The following MREG variants were observed in gnomAD, a reference collection of about 807,000 sequenced individuals.
MREG encodes dilute suppressor protein homolog.
Under a neutral mutation model 28.5 loss-of-function variants are expected in MREG, and 31 were observed. The observed-to-expected ratio is 1.09, with a 90% CI of 0.82 to 1.47. MREG has a LOEUF of 1.47. MREG is among the 40% of genes most tolerant of loss of function. The pLI, the probability that MREG is intolerant of heterozygous loss-of-function variation, is 0.00. For synonymous variants in MREG, 106 were observed against 95.2 expected, an observed-to-expected ratio of 1.11 and a Z score of -0.66; for missense variants, 256 against 257.4, an observed-to-expected ratio of 0.99 and a Z score of 0.04.
intron 2 of MREG, among the ~76,000 whole-genome samples, chr2:215,949,418 G>A (rs1483716428): frequency 6.6e-6 from 1 of 151,708 alleles, no homozygotes; most frequent in Non-Finnish European, 1.5e-5. Context: ...AAAATTTGCC[G>A]GGTGTGGTGG....
upstream of MREG, among the ~76,000 whole-genome samples, chr2:216,015,945 T>C (rs1381521951): frequency 1.3e-5 from 2 of 152,156 alleles, no homozygotes; most frequent in Admixed American, 6.5e-5. Context: ...TCAATCCTCA[T>C]GGGCGGTGTA....
chr2:215,986,418 T>C (rs988909651), intron 2 of MREG, among the ~76,000 whole-genome samples: 2 of 152,142 alleles, frequency 1.3e-5, no homozygotes, highest in East Asian at 3.9e-4. Flanking sequence ...TGCCATTCAA[T>C]ATGTGGGGTG....
intron 2 of MREG, among the ~76,000 whole-genome samples, chr2:215,963,127 CAAAAGA>C (rs1160338090): frequency 1.3e-5 from 2 of 151,664 alleles, no homozygotes; most frequent in African/African-American, 2.4e-5. Flanking sequence ...GACCCTGTCT[CAAAAGA>C]AAAAGAAAAA....
At chr2:216,031,638 AG>A (rs1694702563) in intron 1 of MREG, among the ~76,000 whole-genome samples, 1 of 144,970 alleles carries the variant, frequency 6.9e-6, no homozygotes, top group African/African-American at 2.6e-5. Flanking sequence ...CAAGGAAGGA[AG>A]GAAGAAGAAA....
intron 1 of MREG, among the ~76,000 whole-genome samples, chr2:215,999,720 G>A (rs1693964397): frequency 6.6e-6 from 1 of 152,204 alleles, no homozygotes; most frequent in East Asian, 1.9e-4. Flanking sequence ...CAGAGAGCGG[G>A]TGACAGCAGC....
At chr2:216,002,262 C>A (rs2106023588) in intron 1 of MREG, among the ~76,000 whole-genome samples, 1 of 152,328 alleles carries the variant, frequency 6.6e-6, no homozygotes, top group Non-Finnish European at 1.5e-5. Flanking sequence ...TTTCTTTCAA[C>A]ATGATATAAA....
At chr2:215,964,115 G>A (rs1386674943) in intron 2 of MREG, among the ~76,000 whole-genome samples, 1 of 152,048 alleles carries the variant, frequency 6.6e-6, no homozygotes, top group Non-Finnish European at 1.5e-5. Context: ...ACAGTTAGGG[G>A]AAAAAACCAC....
intron 2 of MREG, among the ~76,000 whole-genome samples, chr2:215,956,441 G>A (rs555557985): frequency 6.6e-5 from 10 of 152,018 alleles, no homozygotes; most frequent in Non-Finnish European, 1.5e-4. Context: ...TTTGGGTTTT[G>A]TCAGGTAGGT....
chr2:215,985,659 G>T (rs1693549902), intron 2 of MREG, among the ~76,000 whole-genome samples: 2 of 151,758 alleles, frequency 1.3e-5, no homozygotes, highest in African/African-American at 4.8e-5. Context: ...ATTATTTGTG[G>T]TCCTTCCTCT....
rs367900618 is a variant in MREG at position 215,955,262 on chromosome 2, T to C, written c.256-8149A>G. On this transcript the variant is annotated intron_variant, in intron 2 of 4. Transcript: ENST00000263268. ...ATAGACAGAAATGGAATAATAAACA[T>C]ATTTGTTTTGTAGAAAATGCCCCCC... Among the ~76,000 whole-genome samples the C allele has an allele frequency of 1.0e-3, 152 of 152,334 alleles. 6 individuals are homozygous for C. The highest frequency in any genetic ancestry group is 3.6e-3 in the African/African-American group (150 of 41,578).
Position 215,943,300 on chromosome 2 carries a change from C to T in MREG, c.*1563G>A. On this transcript the variant is annotated 3_prime_UTR_variant, in exon 5 of 5. Coordinates refer to ENST00000263268, the MANE Select transcript of MREG (RefSeq NM_018000.3). ...CTTAAGTGGCAAGTAACTTTTGAAG[C>T]TGGACTTCTCAATCTGTAGAGAGAA... 2.5e-6 allele frequency: 1 copy of T among 406,992 alleles called. No individual in the cohort carries two copies. Among genetic ancestry groups the T allele is most frequent in the South Asian group, 1.8e-5 (1 of 55,372 alleles). 25.2% of individuals were successfully genotyped at this position (406,992 alleles called of 1,614,324 possible). A position where few individuals can be genotyped will look rare whatever the true frequency, so the allele number is the denominator to read the frequency against.
chr2:215,951,309 T>G (rs1466434575), intron 2 of MREG, among the ~76,000 whole-genome samples: 2 of 152,230 alleles, frequency 1.3e-5, no homozygotes, highest in African/African-American at 4.8e-5. Context: ...CGCTACTCCC[T>G]GGCGTTAGAG....
At chr2:215,986,833 A>G (rs1471675680) in intron 2 of MREG, among the ~76,000 whole-genome samples, 1 of 152,220 alleles carries the variant, frequency 6.6e-6, no homozygotes, top group Non-Finnish European at 1.5e-5. Flanking sequence ...TCTTTGCTTT[A>G]TAAATTACCC....
At chr2:215,986,555 T>C (rs1393923441) in intron 2 of MREG, among the ~76,000 whole-genome samples, 1 of 152,216 alleles carries the variant, frequency 6.6e-6, no homozygotes, top group Middle Eastern at 3.2e-3. Context: ...AGTGATATAG[T>C]TTGGCTGTGT....
intron 1 of MREG, among the ~76,000 whole-genome samples, chr2:216,030,952 TCTCTCACACACACACA>T (rs1292239873): frequency 1.9e-5 from 2 of 106,988 alleles, no homozygotes; most frequent in African/African-American, 8.0e-5. Context: ...TCTCTCTCTC[TCTCTCACACACACACA>T]CACACACACA....
Position 216,013,413 on chromosome 2 carries a change from C to A in MREG, c.-86G>T. 1 of 1,007,048 alleles carries A rather than the reference C, an allele frequency of 9.9e-7. No individual in the cohort carries two copies. 62.4% of individuals were successfully genotyped at this position (1,007,048 alleles called of 1,614,324 possible). On this transcript the variant is annotated 5_prime_UTR_variant, in exon 1 of 5. Transcript: ENST00000263268. ...CGAGGCTGGGGCGCGGCCACCGCGC[C>A]AGCGTCCAGGTGCGGGGACAGCGGC...
At chr2:216,010,356 T>C (rs866708633) in intron 1 of MREG, among the ~76,000 whole-genome samples, 2 of 122,706 alleles carry the variant, frequency 1.6e-5, no homozygotes. Context: ...AGATTTCTCT[T>C]TTTTTTTTTT....
intron 1 of MREG, among the ~76,000 whole-genome samples, chr2:215,999,966 G>A (rs1285692350): frequency 2.0e-5 from 3 of 152,198 alleles, no homozygotes; most frequent in Admixed American, 6.5e-5. Context: ...TTTGGAGAAG[G>A]AAGAGAATAG....
chr2:215,946,222 G>GT lies in MREG; in HGVS notation c.347-489dup. Among the ~76,000 whole-genome samples, 2 of 151,036 alleles carry GT rather than the reference G, an allele frequency of 1.3e-5. 1 individual carries two copies. Among genetic ancestry groups the GT allele is most frequent in the Admixed American group, 1.3e-4 (2 of 15,116 alleles). On this transcript the variant is annotated intron_variant, in intron 3 of 4. Coordinates refer to ENST00000263268, the MANE Select transcript of MREG (RefSeq NM_018000.3). The stretch of plus-strand genomic sequence containing the variant: ...ATTCAAAGACTTAAACCTACTTGGA[G>GT]TAACTTTCATTGTTTAAAAAAAAAA...
Sources: allele counts gnomAD v4.1 joint callset (sites outside exome capture counted in the v4.1 genomes callset), GRCh38; gene constraint gnomAD v4.1.1; transcripts MANE v1.5; gene names NCBI Gene and HGNC (gene_info 2026-07-23, HGNC 2026-07-21).